LMCD1: variants seen among roughly 807,000 people sequenced by gnomAD.
The protein encoded by LMCD1 is LIM and cysteine rich domains 1.
LMCD1 carries 32 observed loss-of-function variants against 42.7 expected under a neutral mutation model. That is an observed-to-expected ratio of 0.75 (90% CI 0.57 to 1.01). LMCD1 has a LOEUF of 1.01. LMCD1 is among the 50% of genes least tolerant of loss of function. The pLI, the probability that LMCD1 is intolerant of heterozygous loss-of-function variation, is 0.00. For synonymous variants in LMCD1, 178 were observed against 184.9 expected (o/e 0.96, Z 0.30); for missense variants, 458 against 483.1 (o/e 0.95, Z 0.49).
Position 8,568,989 on chromosome 3 carries a change from G to C in LMCD1, c.*1391G>C, listed in dbSNP as rs1405548453. ...AAAGCCATTGCTATATCCTCCCAAG[G>C]CAGTGGTTTTCTGCTCCCAGCTCCT... On this transcript the variant is annotated 3_prime_UTR_variant, in exon 6 of 6. Coordinates refer to ENST00000157600, the MANE Select transcript of LMCD1 (RefSeq NM_014583.4). 1 of 152,078 alleles carries C rather than the reference G, an allele frequency of 6.6e-6. No individual in the cohort carries two copies. The highest frequency in any genetic ancestry group is 2.4e-5 in the African/African-American group (1 of 41,402). The allele number at this position is 152,078 out of a possible 1,614,324, so 9.4% of individuals were successfully genotyped here. A position where few individuals can be genotyped will look rare whatever the true frequency, so the allele number is the denominator to read the frequency against.
At chr3:8,550,107 G>A in intron 4 of LMCD1, 1 of 1,409,508 alleles carries the variant, frequency 7.1e-7, no homozygotes, top group Non-Finnish European at 9.2e-7. Context: ...GGGCCATTTT[G>A]AGAAAACAGA....
In LMCD1 at chr3:8,567,647, G is replaced by A; in HGVS notation, c.*49G>A. 1.3e-6 allele frequency: 2 copies of A among 1,576,650 alleles called. No homozygotes were observed. Among genetic ancestry groups the A allele is most frequent in the Non-Finnish European group, 1.7e-6 (2 of 1,160,380 alleles). On this transcript the variant is annotated 3_prime_UTR_variant, in exon 6 of 6. Transcript: ENST00000157600. ...ATCCACAGGATCCCACCGAGAAGGA[G>A]AGCCAGGTGTGCCGAGACCATCCTA...
intron 4 of LMCD1, among the ~76,000 whole-genome samples, chr3:8,551,704 T>C (rs1694842143): frequency 6.6e-6 from 1 of 152,174 alleles, no homozygotes; most frequent in Non-Finnish European, 1.5e-5. Flanking sequence ...AGACAGTGTG[T>C]TCCCAGCAAC....
chr3:8,527,687 A>G (rs1489930691), intron 1 of LMCD1, among the ~76,000 whole-genome samples: 4 of 152,226 alleles, frequency 2.6e-5, no homozygotes, highest in Non-Finnish European at 5.9e-5. Context: ...TCTGCATTGA[A>G]TAGAATTTTG....
rs115979670 is a variant in LMCD1 at position 8,540,682 on chromosome 3, G to A, written c.387+3242G>A. On this transcript the variant is annotated intron_variant, in intron 3 of 5. Transcript: ENST00000157600. Reference sequence around the variant, plus strand: ...ATCATGAACAGGAAGCAGCTTGAGTGTGGCTTTGAAAGCTGCCAGGATTTG... The same window carrying A: ...ATCATGAACAGGAAGCAGCTTGAGTATGGCTTTGAAAGCTGCCAGGATTTG... Among the ~76,000 whole-genome samples, 1,173 of 152,344 alleles carry A rather than the reference G, an allele frequency of 7.7e-3. 16 individuals carry two copies. The highest frequency in any genetic ancestry group is 0.027 in the African/African-American group (1,139 of 41,584).
chr3:8,503,801 A>G (rs1043395424), intron 1 of LMCD1, among the ~76,000 whole-genome samples: 3 of 152,226 alleles, frequency 2.0e-5, no homozygotes, highest in Non-Finnish European at 2.9e-5. Flanking sequence ...GCAGAGTTCC[A>G]TTGTCCTCTG....
chr3:8,529,226 C>G (rs960945261), intron 1 of LMCD1, among the ~76,000 whole-genome samples: 1 of 152,194 alleles, frequency 6.6e-6, no homozygotes, highest in African/African-American at 2.4e-5. Flanking sequence ...CGGGGTCTGT[C>G]TGGCTTCTGG....
intron 3 of LMCD1, among the ~76,000 whole-genome samples, chr3:8,543,479 A>G (rs953126774): frequency 6.6e-6 from 1 of 152,136 alleles, no homozygotes; most frequent in Non-Finnish European, 1.5e-5. Context: ...AGACAGATAG[A>G]CAGACAGACA....
intron 1 of LMCD1, 34 bp downstream of exon 1, chr3:8,502,014 C>G: frequency 2.1e-6 from 3 of 1,440,440 alleles, no homozygotes; most frequent in Non-Finnish European, 2.7e-6. Context: ...TACCCAGATT[C>G]TTACTTTTTC....
intron 3 of LMCD1, among the ~76,000 whole-genome samples, chr3:8,538,934 G>T (rs755589341): frequency 3.3e-5 from 5 of 152,126 alleles, no homozygotes; most frequent in Admixed American, 6.5e-5. Context: ...GAGCTCTTCC[G>T]CACAGTCTTT....
At chr3:8,502,253 A>G (rs112899030) in intron 1 of LMCD1, among the ~76,000 whole-genome samples, 3 of 108,088 alleles carry the variant, frequency 2.8e-5, no homozygotes, top group African/African-American at 1.1e-4. Flanking sequence ...CAATATATAT[A>G]AAATGTATAT....
chr3:8,521,246 C>A (rs1694198567), intron 1 of LMCD1, among the ~76,000 whole-genome samples: 1 of 152,174 alleles, frequency 6.6e-6, no homozygotes, highest in African/African-American at 2.4e-5. Context: ...GCCCTGCCAA[C>A]AGAATGTTCA....
chr3:8,504,625 C>CA (rs1457963815), intron 1 of LMCD1, among the ~76,000 whole-genome samples: 4 of 152,196 alleles, frequency 2.6e-5, no homozygotes, highest in Non-Finnish European at 4.4e-5. Flanking sequence ...TCACTGGGGG[C>CA]CACATACATA....
At chr3:8,527,113 T>C (rs191112916) in intron 1 of LMCD1, among the ~76,000 whole-genome samples, 89 of 152,338 alleles carry the variant, frequency 5.8e-4, no homozygotes, top group African/African-American at 2.0e-3. Flanking sequence ...CTAATGAAAT[T>C]ATCTCATAAG....
Position 8,567,784 on chromosome 3 carries a change from C to A in LMCD1, c.*186C>A. On this transcript the variant is annotated 3_prime_UTR_variant, in exon 6 of 6. Coordinates refer to ENST00000157600, the MANE Select transcript of LMCD1 (RefSeq NM_014583.4). The stretch of plus-strand genomic sequence containing the variant: ...ATTCTAGGTTGGGTGGTGGTAGATC[C>A]TTGAGGGTCAGTAGTTTCAAAACCA... 2.3e-6 allele frequency: 1 copy of A among 440,310 alleles called. No homozygotes were observed. The highest frequency in any genetic ancestry group is 3.8e-6 in the Non-Finnish European group (1 of 265,582). 27.3% of individuals were successfully genotyped at this position (440,310 alleles called of 1,614,324 possible). A position where few individuals can be genotyped will look rare whatever the true frequency, so the allele number is the denominator to read the frequency against.
intron 4 of LMCD1, among the ~76,000 whole-genome samples, chr3:8,558,767 G>A (rs2125037856): frequency 6.6e-6 from 1 of 152,304 alleles, no homozygotes; most frequent in African/African-American, 2.4e-5. Flanking sequence ...ATGAGCCTTT[G>A]TTGTAACTGA....
chr3:8,546,152 A>AC (rs796699375), intron 3 of LMCD1, among the ~76,000 whole-genome samples: 20 of 151,998 alleles, frequency 1.3e-4, no homozygotes, highest in African/African-American at 4.8e-4. Context: ...AAACAAAACA[A>AC]AAAAAAAGAG....
chr3:8,536,903 C>A (rs988045675), intron 2 of LMCD1, among the ~76,000 whole-genome samples: 1 of 152,164 alleles, frequency 6.6e-6, no homozygotes, highest in African/African-American at 2.4e-5. Flanking sequence ...AACAAATCAG[C>A]CTTTGCCGTG....
At chr3:8,535,709 A>T (rs1480416372) in intron 2 of LMCD1, among the ~76,000 whole-genome samples, 2 of 152,290 alleles carry the variant, frequency 1.3e-5, no homozygotes, top group East Asian at 3.9e-4. Context: ...AATGTATTCT[A>T]CTTTATATAA....
Sources: gnomAD v4.1 joint callset for allele counts (sites outside exome capture counted in the v4.1 genomes callset) on GRCh38, gnomAD v4.1.1 for gene constraint, MANE v1.5 for transcripts, NCBI Gene and HGNC (gene_info 2026-07-23, HGNC 2026-07-21) for gene names.